SLC30A9: variants seen among roughly 807,000 people sequenced by gnomAD.
The protein encoded by SLC30A9 is proton-coupled zinc antiporter SLC30A9, mitochondrial.
SLC30A9 carries 58 observed loss-of-function variants against 87.5 expected under a neutral mutation model. The observed-to-expected ratio is 0.66, with a 90% confidence interval of 0.54 to 0.82. The LOEUF (loss-of-function observed/expected upper bound fraction) is 0.82. Among genes scored for constraint, SLC30A9 ranks in the 40% least tolerant of loss-of-function variants. The probability of loss-of-function intolerance (pLI) is 0.00; values close to 1 mark genes in which losing one functional copy is unlikely to be tolerated. For missense variants in SLC30A9, 557 were observed against 679.1 expected, an observed-to-expected ratio of 0.82 and a Z score of 2.00; for synonymous variants, 234 against 233.0, an observed-to-expected ratio of 1.00 and a Z score of -0.04.
intron 8 of SLC30A9, among the ~76,000 whole-genome samples, chr4:42,048,029 A>C (rs1302716464): frequency 6.6e-6 from 1 of 152,126 alleles, no homozygotes; most frequent in Non-Finnish European, 1.5e-5. Flanking sequence ...CTGAACAATG[A>C]AAACACATGG....
chr4:42,052,804 C>A (rs990504127), intron 9 of SLC30A9, among the ~76,000 whole-genome samples: 15 of 152,318 alleles, frequency 9.8e-5, no homozygotes, highest in African/African-American at 3.6e-4. Flanking sequence ...AGGAGAATAT[C>A]TTTTAGACCT....
chr4:42,049,830 A>G (rs1447816873), intron 9 of SLC30A9, among the ~76,000 whole-genome samples: 5 of 152,202 alleles, frequency 3.3e-5, no homozygotes, highest in African/African-American at 9.6e-5. Context: ...CTTTCACATT[A>G]GATTCATAAT....
At chr4:42,008,607 C>T (rs1003440196) in intron 2 of SLC30A9, among the ~76,000 whole-genome samples, 1 of 152,152 alleles carries the variant, frequency 6.6e-6, no homozygotes, top group Non-Finnish European at 1.5e-5. Context: ...AGTACAAAAT[C>T]CCCCACATGG....
At chr4:42,018,084 G>A in intron 2 of SLC30A9, 27 bp from the exon 3 acceptor site, 1 of 1,305,662 alleles carries the variant, frequency 7.7e-7, no homozygotes, top group South Asian at 1.3e-5. Flanking sequence ...GTTGTTTAAT[G>A]TAAACTTCTT....
intron 2 of SLC30A9, among the ~76,000 whole-genome samples, chr4:42,003,076 AT>A (rs1372923088): frequency 6.6e-6 from 1 of 152,098 alleles, no homozygotes; most frequent in Non-Finnish European, 1.5e-5. Flanking sequence ...ATGTATTCTT[AT>A]TTCTATTGTG....
In SLC30A9 at chr4:42,086,699, T is replaced by C. The variant is rs546912931; in HGVS notation, c.*573T>C. On this transcript the variant is annotated 3_prime_UTR_variant, in exon 18 of 18. Transcript: ENST00000264451. ...GAATCACTCTCCTTACCTAGTTATC[T>C]ACAAATGTTCATTCCAGAAATGTTT... 1 of 152,786 alleles carries C rather than the reference T, an allele frequency of 6.5e-6. No homozygotes were observed. The highest frequency in any genetic ancestry group is 1.5e-5 in the Non-Finnish European group (1 of 68,042). The allele number at this position is 152,786 out of a possible 1,614,324, so 9.5% of individuals were successfully genotyped here.
At chr4:42,039,143 A>G (rs1716810648) in intron 8 of SLC30A9, 90 bp downstream of exon 8, 2 of 957,992 alleles carry the variant, frequency 2.1e-6, no homozygotes, top group African/African-American at 1.7e-5. Context: ...CATGGTAGCT[A>G]GCTATAGAGT....
At chr4:42,060,336 C>G (rs1717795569) in intron 10 of SLC30A9, 90 bp downstream of exon 10, 1 of 976,382 alleles carries the variant, frequency 1.0e-6, no homozygotes. Context: ...AATTTATGTA[C>G]CTGCAGTTTG....
intron 6 of SLC30A9, chr4:42,029,697 T>G: frequency 1.3e-6 from 1 of 751,500 alleles, no homozygotes; most frequent in Middle Eastern, 2.4e-4. Flanking sequence ...TTGCTCTGGA[T>G]TAAATGACAA....
intron 6 of SLC30A9, among the ~76,000 whole-genome samples, chr4:42,027,929 A>T (rs1716260787): frequency 6.6e-6 from 1 of 152,210 alleles, no homozygotes; most frequent in Non-Finnish European, 1.5e-5. Context: ...TCAAGAGTTG[A>T]GGACACTGAG....
In SLC30A9 at chr4:42,060,252, G is replaced by T. The variant is rs756691520; in HGVS notation, c.896+6G>T. 3 of 1,607,326 alleles carry T rather than the reference G, an allele frequency of 1.9e-6. No homozygotes were observed. In the Admixed American group the frequency reaches 5.0e-5, roughly 27 times the overall value. ...ACACCAGATCCTTCTCATCCGTAAG[G>T]ACATTGCCTTATTTTGTTTTTGTTT... On this transcript the variant is annotated splice_donor_region_variant and intron_variant, in intron 10 of 17. Coordinates refer to ENST00000264451, the MANE Select transcript of SLC30A9 (RefSeq NM_006345.4).
chr4:42,018,369 G>T, intron 3 of SLC30A9, 199 bp downstream of exon 3: 4 of 1,158,732 alleles, frequency 3.5e-6, no homozygotes, highest in Non-Finnish European at 4.7e-6. Flanking sequence ...TTGCATTTTT[G>T]TCACAAATTT....
chr4:42,020,291 TTCAGTGAAAAAGA>T (rs1715895050), intron 3 of SLC30A9, 112 bp from the exon 4 acceptor site: 5 of 546,490 alleles, frequency 9.1e-6, no homozygotes, highest in Non-Finnish European at 1.6e-5. Flanking sequence ...TCTGATGTCA[TTCAGTGAAAAAGA>T]TCAGTTTTCT....
intron 6 of SLC30A9, among the ~76,000 whole-genome samples, chr4:42,034,260 T>C (rs1432015954): frequency 6.6e-6 from 1 of 152,158 alleles, no homozygotes; most frequent in Non-Finnish European, 1.5e-5. Flanking sequence ...TCCTGCCTCC[T>C]TTTTTATTGT....
At chr4:42,030,762 A>G (rs1465833934) in intron 6 of SLC30A9, among the ~76,000 whole-genome samples, 2 of 152,166 alleles carry the variant, frequency 1.3e-5, no homozygotes, top group African/African-American at 2.4e-5. Context: ...GACACTACAG[A>G]AAAACACAAA....
chr4:42,002,551 A>G (rs909677234), intron 2 of SLC30A9, among the ~76,000 whole-genome samples: 1 of 151,756 alleles, frequency 6.6e-6, no homozygotes, highest in African/African-American at 2.4e-5. Flanking sequence ...TTCTGTGTTA[A>G]TTTGCTTAGG....
Position 42,072,812 on chromosome 4 carries a change from CTT to C in SLC30A9, c.1418+2139_1418+2140del, listed in dbSNP as rs71200203. Among the ~76,000 whole-genome samples, 265 of 118,114 alleles carry C rather than the reference CTT, an allele frequency of 2.2e-3. 1 individual carries two copies. The highest frequency in any genetic ancestry group is 4.1e-3 in the African/African-American group (136 of 32,920). The allele number at this position is 118,114 out of a possible 152,430, so 77.5% of individuals were successfully genotyped here. On this transcript the variant is annotated intron_variant, in intron 15 of 17. Transcript: ENST00000264451. Reference sequence around the variant, plus strand: ...TATCTTCTTGCTCTATTGTTCTATCCTTTTTTTTTTTTTTTTTTTAGATGGAG... The same window carrying C: ...TATCTTCTTGCTCTATTGTTCTATCCTTTTTTTTTTTTTTTTTAGATGGAG...
At chr4:41,992,691 T>A (rs900700624) in intron 1 of SLC30A9, among the ~76,000 whole-genome samples, 34 of 152,154 alleles carry the variant, frequency 2.2e-4, no homozygotes, top group African/African-American at 7.2e-4. Flanking sequence ...AAAATTAAAA[T>A]TTTTTTTACA....
chr4:42,048,341 G>A (rs541578345), intron 8 of SLC30A9, among the ~76,000 whole-genome samples: 1 of 152,250 alleles, frequency 6.6e-6, no homozygotes, highest in African/African-American at 2.4e-5. Flanking sequence ...GGAATGGTAG[G>A]TGGTATTGAT....
Sources: gnomAD v4.1 joint callset for allele counts (sites outside exome capture counted in the v4.1 genomes callset) on GRCh38, gnomAD v4.1.1 for gene constraint, MANE v1.5 for transcripts, NCBI Gene and HGNC (gene_info 2026-07-23, HGNC 2026-07-21) for gene names.